Variants in TIAM1 observed in about 807,000 individuals in gnomAD.
The protein encoded by TIAM1 is rho guanine nucleotide exchange factor TIAM1.
In TIAM1, 65 loss-of-function variants were observed where a neutral mutation model predicts 163.5. The observed-to-expected ratio is 0.40, with a 90% CI of 0.33 to 0.49. TIAM1 has a LOEUF of 0.49. TIAM1 is among the 20% of genes least tolerant of loss of function. The pLI, the probability that TIAM1 is intolerant of heterozygous loss-of-function variation, is 0.77. For missense variants in TIAM1, 1,789 were observed against 2,044.7 expected (o/e 0.87, Z 2.41); for synonymous variants, 833 against 810.1 (o/e 1.03, Z -0.48).
At chr21:31,487,984 G>A (rs993494050) in intron 1 of TIAM1, among the ~76,000 whole-genome samples, 2 of 152,202 alleles carry the variant, frequency 1.3e-5, no homozygotes, top group African/African-American at 4.8e-5. Flanking sequence ...GAGCCACTGC[G>A]CCCGGCCACT....
At chr21:31,468,499 G>A (rs144661047) in intron 1 of TIAM1, among the ~76,000 whole-genome samples, 81 of 151,214 alleles carry the variant, frequency 5.4e-4, no homozygotes, top group Middle Eastern at 3.4e-3. Flanking sequence ...AAAAAAGACC[G>A]GGCACGGTGA....
intron 2 of TIAM1, among the ~76,000 whole-genome samples, chr21:31,312,191 T>C (rs1003338492): frequency 1.3e-5 from 2 of 152,238 alleles, no homozygotes; most frequent in African/African-American, 4.8e-5. Context: ...CTTGTGACAG[T>C]GTGAGTCAAT....
At chr21:31,233,092 G>A (rs1374498147) in intron 6 of TIAM1, among the ~76,000 whole-genome samples, 1 of 152,182 alleles carries the variant, frequency 6.6e-6, no homozygotes, top group Non-Finnish European at 1.5e-5. Flanking sequence ...GACACTTGGT[G>A]ATTTCAGATA....
chr21:31,235,104 T>C (rs1021354960), intron 6 of TIAM1, among the ~76,000 whole-genome samples: 8 of 152,162 alleles, frequency 5.3e-5, no homozygotes, highest in Non-Finnish European at 1.0e-4. Flanking sequence ...CTGTTGTACA[T>C]GAGGCCCGGA....
At chr21:31,140,667 CTTCT>C (rs766864115) in intron 22 of TIAM1, among the ~76,000 whole-genome samples, 2 of 152,196 alleles carry the variant, frequency 1.3e-5, no homozygotes, top group Non-Finnish European at 2.9e-5. Context: ...TGCCACTGCT[CTTCT>C]AAGTAGGTTT....
intron 2 of TIAM1, among the ~76,000 whole-genome samples, chr21:31,306,940 G>A (rs2074736153): frequency 6.6e-6 from 1 of 152,134 alleles, no homozygotes; most frequent in Non-Finnish European, 1.5e-5. Flanking sequence ...AAACACTAAT[G>A]TCTTTGGTAA....
chr21:31,542,354 GAGGAGGAGCTTAC>G (rs2048347841), intron 1 of TIAM1, among the ~76,000 whole-genome samples: 1 of 151,934 alleles, frequency 6.6e-6, no homozygotes, highest in Non-Finnish European at 1.5e-5. Flanking sequence ...GTGAACCCAG[GAGGAGGAGCTTAC>G]AGTGAGCCGA....
chr21:31,314,225 C>T (rs1208772083), intron 2 of TIAM1, among the ~76,000 whole-genome samples: 1 of 152,168 alleles, frequency 6.6e-6, no homozygotes, highest in Non-Finnish European at 1.5e-5. Context: ...TGGCCAATCA[C>T]ACTGACCCTT....
chr21:31,548,778 C>G (rs990427140), intron 1 of TIAM1, among the ~76,000 whole-genome samples: 1 of 152,112 alleles, frequency 6.6e-6, no homozygotes, highest in Non-Finnish European at 1.5e-5. Flanking sequence ...CATGAGCCAC[C>G]GTGCCAGGCC....
chr21:31,549,673 GA>G (rs2048617220), intron 1 of TIAM1, among the ~76,000 whole-genome samples: 1 of 152,162 alleles, frequency 6.6e-6, no homozygotes, highest in African/African-American at 2.4e-5. Context: ...AACAAGTGTT[GA>G]CAAAGATGTG....
chr21:31,326,630 G>A (rs191573483), intron 2 of TIAM1, among the ~76,000 whole-genome samples: 4 of 152,232 alleles, frequency 2.6e-5, no homozygotes, highest in Middle Eastern at 3.4e-3. Context: ...TATTCCCCAC[G>A]CCCTGCAGAT....
intron 2 of TIAM1, among the ~76,000 whole-genome samples, chr21:31,296,830 AT>A (rs1332185724): frequency 6.6e-6 from 1 of 152,034 alleles, no homozygotes; most frequent in Non-Finnish European, 1.5e-5. Context: ...CGCCCAGCTA[AT>A]TTTTTGTATT....
chr21:31,301,165 G>A (rs1292740955), intron 2 of TIAM1, among the ~76,000 whole-genome samples: 1 of 152,204 alleles, frequency 6.6e-6, no homozygotes, highest in Non-Finnish European at 1.5e-5. Context: ...GAGAATGGAA[G>A]TTGTATCAGC....
chr21:31,129,989 G>A (rs2146229826), intron 25 of TIAM1, among the ~76,000 whole-genome samples: 1 of 150,644 alleles, frequency 6.6e-6, no homozygotes, highest in East Asian at 2.0e-4. Flanking sequence ...CATTCACTCA[G>A]TTCATTCATT....
intron 2 of TIAM1, among the ~76,000 whole-genome samples, chr21:31,430,401 T>C (rs1326612385): frequency 6.6e-6 from 1 of 151,382 alleles, no homozygotes; most frequent in Non-Finnish European, 1.5e-5. Flanking sequence ...GCAGCACCCA[T>C]GGAATAGGAA....
intron 1 of TIAM1, among the ~76,000 whole-genome samples, chr21:31,472,297 C>T (rs998941567): frequency 4.6e-5 from 7 of 151,988 alleles, no homozygotes; most frequent in East Asian, 1.9e-4. Flanking sequence ...GAGGCTGAGG[C>T]GGGCAGATCA....
intron 1 of TIAM1, among the ~76,000 whole-genome samples, chr21:31,465,849 G>A (rs1017926020): frequency 1.3e-5 from 2 of 152,098 alleles, no homozygotes; most frequent in Non-Finnish European, 2.9e-5. Context: ...GGGTTTACCG[G>A]CGTGAGCCAC....
chr21:31,165,483 T>C (rs1011384231), intron 15 of TIAM1, among the ~76,000 whole-genome samples: 7 of 152,054 alleles, frequency 4.6e-5, no homozygotes, highest in African/African-American at 9.7e-5. Context: ...CTCTCTACCA[T>C]GTAAGGACAC....
At chr21:31,232,737 T>C (rs1017221485) in intron 6 of TIAM1, among the ~76,000 whole-genome samples, 1 of 152,276 alleles carries the variant, frequency 6.6e-6, no homozygotes, top group South Asian at 2.1e-4. Context: ...AGATTCATGA[T>C]GGGTCCCTTC....
Sources: allele counts gnomAD v4.1 joint callset (sites outside exome capture counted in the v4.1 genomes callset), GRCh38; gene constraint gnomAD v4.1.1; transcripts MANE v1.5; gene names NCBI Gene and HGNC (gene_info 2026-07-23, HGNC 2026-07-21).